The following VEGFC variants were observed in gnomAD, a reference collection of about 807,000 sequenced individuals.
The protein encoded by VEGFC is vascular endothelial growth factor C.
VEGFC carries 12 observed loss-of-function variants against 46.1 expected under a neutral mutation model. The ratio of observed to expected loss-of-function variants is 0.26; its 90% CI spans 0.17 to 0.42. The LOEUF (loss-of-function observed/expected upper bound fraction) is 0.42. Among genes scored for constraint, VEGFC ranks in the 10% least tolerant of loss-of-function variants. VEGFC has a pLI of 1.00. For synonymous variants in VEGFC, 232 were observed against 195.5 expected (o/e 1.19, Z -1.56); for missense variants, 488 against 529.4 (o/e 0.92, Z 0.77).
At chr4:176,766,729 G>A (rs1300358896) in intron 1 of VEGFC, among the ~76,000 whole-genome samples, 1 of 151,976 alleles carries the variant, frequency 6.6e-6, no homozygotes, top group African/African-American at 2.4e-5. Context: ...TATTTACAAG[G>A]GTAATGCTAC....
At chr4:176,790,281 T>C (rs897872214) in intron 1 of VEGFC, among the ~76,000 whole-genome samples, 2 of 152,248 alleles carry the variant, frequency 1.3e-5, no homozygotes, top group Non-Finnish European at 1.5e-5. Context: ...GAAATGATGT[T>C]TCATCACATA....
intron 4 of VEGFC, among the ~76,000 whole-genome samples, chr4:176,697,558 A>C (rs1291737146): frequency 6.7e-6 from 1 of 149,954 alleles, no homozygotes; most frequent in Non-Finnish European, 1.5e-5. Context: ...TAGTTCAACC[A>C]TTGTGGAAGT....
chr4:176,729,166 C>CA (rs1423218755), intron 2 of VEGFC, among the ~76,000 whole-genome samples: 1 of 152,130 alleles, frequency 6.6e-6, no homozygotes, highest in Non-Finnish European at 1.5e-5. Context: ...AAGCATTTCT[C>CA]AATCCAAATC....
chr4:176,753,919 T>C (rs531973351), intron 1 of VEGFC, among the ~76,000 whole-genome samples: 22 of 152,230 alleles, frequency 1.4e-4, no homozygotes, highest in Middle Eastern at 3.4e-3. Flanking sequence ...CAAAGCCAAA[T>C]AAAATTGCAT....
Position 176,687,426 on chromosome 4 carries a change from G to A in VEGFC, c.906C>T (p.Ala302=). ...QCVCRAGLRP[A]SCGPHKELDR... is the part of the protein sequence containing the mutation. Reference sequence around the variant, plus strand: ...CTAGTTCTTTGTGGGGTCCACAGCTGGCAGGCCGAAGCCCCGCTCTGCAGA... The same window carrying A: ...CTAGTTCTTTGTGGGGTCCACAGCTAGCAGGCCGAAGCCCCGCTCTGCAGA... Residue 302 remains alanine (A), a synonymous_variant, in exon 6 of 7, where the codon GCC becomes GCT. Transcript: ENST00000618562. 1.2e-6 allele frequency: 2 copies of A among 1,614,108 alleles called. No individual in the cohort carries two copies. Among genetic ancestry groups the A allele is most frequent in the Non-Finnish European group, 1.7e-6 (2 of 1,180,008 alleles).
chr4:176,761,503 G>T (rs903403653), intron 1 of VEGFC, among the ~76,000 whole-genome samples: 7 of 152,118 alleles, frequency 4.6e-5, no homozygotes, highest in African/African-American at 1.7e-4. Flanking sequence ...AAGGACAATA[G>T]TGAATGAATA....
intron 2 of VEGFC, 111 bp downstream of exon 2, chr4:176,729,422 C>T (rs972343205): frequency 3.7e-5 from 30 of 809,264 alleles, no homozygotes; most frequent in East Asian, 8.6e-5. Context: ...ATTTGCTTTC[C>T]GCCCTAAAGG....
intron 1 of VEGFC, among the ~76,000 whole-genome samples, chr4:176,734,255 C>A (rs1735018375): frequency 6.6e-6 from 1 of 151,610 alleles, no homozygotes; most frequent in South Asian, 2.1e-4. Context: ...TGGCCAAGTA[C>A]AATAAATAAA....
At chr4:176,692,160 C>T (rs1734201011) in intron 4 of VEGFC, among the ~76,000 whole-genome samples, 3 of 151,826 alleles carry the variant, frequency 2.0e-5, no homozygotes, top group Middle Eastern at 3.4e-3. Context: ...TTTGGGAGGC[C>T]GAGGCGGGCG....
At chr4:176,757,358 G>C (rs1735449926) in intron 1 of VEGFC, among the ~76,000 whole-genome samples, 1 of 152,012 alleles carries the variant, frequency 6.6e-6, no homozygotes, top group Non-Finnish European at 1.5e-5. Flanking sequence ...CCCTAGATCT[G>C]TGATAAAAGC....
chr4:176,748,711 G>A (rs1228135293), intron 1 of VEGFC, among the ~76,000 whole-genome samples: 2 of 151,756 alleles, frequency 1.3e-5, no homozygotes, highest in Non-Finnish European at 2.9e-5. Context: ...GAGCACTGTC[G>A]CATATTTTAA....
At chr4:176,786,761 G>T (rs1195449459) in intron 1 of VEGFC, among the ~76,000 whole-genome samples, 1 of 152,208 alleles carries the variant, frequency 6.6e-6, no homozygotes, top group African/African-American at 2.4e-5. Context: ...AGTTGAAGTA[G>T]ATTAAAGAGC....
intron 1 of VEGFC, among the ~76,000 whole-genome samples, chr4:176,790,278 T>C (rs974724338): frequency 6.6e-6 from 1 of 152,230 alleles, no homozygotes. Context: ...TGGGAAATGA[T>C]GTTTCATCAC....
At chr4:176,768,675 C>T (rs1735674482) in intron 1 of VEGFC, among the ~76,000 whole-genome samples, 1 of 151,766 alleles carries the variant, frequency 6.6e-6, no homozygotes, top group Non-Finnish European at 1.5e-5. Context: ...GCCATACCTC[C>T]TTTATCTGGC....
At chr4:176,699,643 G>A (rs939244144) in intron 4 of VEGFC, among the ~76,000 whole-genome samples, 1 of 152,120 alleles carries the variant, frequency 6.6e-6, no homozygotes, top group African/African-American at 2.4e-5. Context: ...TCTTGAGTTT[G>A]TTACGCCTGA....
intron 1 of VEGFC, among the ~76,000 whole-genome samples, chr4:176,787,331 C>T (rs1008545535): frequency 5.3e-5 from 8 of 151,806 alleles, no homozygotes; most frequent in African/African-American, 1.9e-4. Flanking sequence ...GTGGCACATG[C>T]CTGTAATTCC....
chr4:176,696,583 C>G lies in VEGFC; in HGVS notation c.705-8656G>C, dbSNP rs1187371788. On this transcript the variant is annotated intron_variant, in intron 4 of 6. Transcript: ENST00000618562. ...CCCAAGGTAATTTACAGATTCAATG[C>G]CATCCCCATCAAGCTACCAATGACT... 1.2e-4 allele frequency among the ~76,000 whole-genome samples: 18 copies of G among 150,742 alleles called. No homozygotes were observed. In the East Asian group the frequency reaches 3.3e-3, roughly 28 times the overall value.
chr4:176,735,535 T>C (rs953260702), intron 1 of VEGFC, among the ~76,000 whole-genome samples: 5 of 151,912 alleles, frequency 3.3e-5, no homozygotes, highest in African/African-American at 1.2e-4. Flanking sequence ...GTTTCAGCAC[T>C]GGATGTTTTG....
intron 1 of VEGFC, among the ~76,000 whole-genome samples, chr4:176,765,182 A>G (rs781388533): frequency 4.0e-4 from 61 of 152,152 alleles, no homozygotes; most frequent in Non-Finnish European, 5.7e-4. Context: ...ATAACTGAAA[A>G]TAGGTCTCAA....
Sources: gnomAD v4.1 joint callset for allele counts (sites outside exome capture counted in the v4.1 genomes callset) on GRCh38, gnomAD v4.1.1 for gene constraint, MANE v1.5 for transcripts, NCBI Gene and HGNC (gene_info 2026-07-23, HGNC 2026-07-21) for gene names.